KIAA1217: variants seen among roughly 807,000 people sequenced by gnomAD.
KIAA1217 encodes sickle tail protein homolog.
In KIAA1217, 88 loss-of-function variants were observed where a neutral mutation model predicts 163.9. The ratio of observed to expected loss-of-function variants is 0.54; its 90% CI spans 0.45 to 0.64. The LOEUF is 0.64. Among genes scored for constraint, KIAA1217 ranks in the 30% least tolerant of loss-of-function variants. The probability of loss-of-function intolerance (pLI) is 0.00; values close to 1 mark genes in which losing one functional copy is unlikely to be tolerated. For missense variants in KIAA1217, 2,372 were observed against 2,475.0 expected, an observed-to-expected ratio of 0.96 and a Z score of 0.88; for synonymous variants, 903 against 923.1, an observed-to-expected ratio of 0.98 and a Z score of 0.39.
intron 2 of KIAA1217, among the ~76,000 whole-genome samples, chr10:24,314,836 C>T (rs1017389824): frequency 6.6e-6 from 1 of 151,962 alleles, no homozygotes; most frequent in Non-Finnish European, 1.5e-5. Context: ...CCCAGCTACT[C>T]AGGAGGCTGA....
At chr10:24,008,794 C>G (rs1355936199) in intron 2 of KIAA1217, among the ~76,000 whole-genome samples, 4 of 152,196 alleles carry the variant, frequency 2.6e-5, no homozygotes, top group Non-Finnish European at 5.9e-5. Flanking sequence ...TCCTACGCTA[C>G]CGCCCCATTA....
chr10:24,270,775 G>T (rs1162991320), intron 2 of KIAA1217, among the ~76,000 whole-genome samples: 1 of 152,120 alleles, frequency 6.6e-6, no homozygotes, highest in Non-Finnish European at 1.5e-5. Flanking sequence ...TCGAACTCCT[G>T]ACCTCAAGTA....
At chr10:24,202,748 C>T (rs2067331930) in intron 2 of KIAA1217, among the ~76,000 whole-genome samples, 1 of 152,306 alleles carries the variant, frequency 6.6e-6, no homozygotes, top group Admixed American at 6.5e-5. Flanking sequence ...GACTAGAGGT[C>T]TCAGTGACTA....
intron 1 of KIAA1217, among the ~76,000 whole-genome samples, chr10:23,968,288 G>A (rs1259403047): frequency 6.6e-6 from 1 of 152,202 alleles, no homozygotes; most frequent in Non-Finnish European, 1.5e-5. Flanking sequence ...GGCATTTACA[G>A]AAAAGAATAG....
intron 2 of KIAA1217, among the ~76,000 whole-genome samples, chr10:24,105,825 T>A (rs1054962658): frequency 6.6e-6 from 1 of 152,208 alleles, no homozygotes; most frequent in African/African-American, 2.4e-5. Flanking sequence ...ATGGCAACCA[T>A]CAATCCACAA....
chr10:24,313,336 C>T (rs905447242), intron 2 of KIAA1217, among the ~76,000 whole-genome samples: 7 of 152,152 alleles, frequency 4.6e-5, no homozygotes, highest in Non-Finnish European at 8.8e-5. Context: ...CAAACACTGA[C>T]GTGACAAAGT....
chr10:24,148,401 T>C lies in KIAA1217; in HGVS notation c.-170-71225T>C, dbSNP rs13376843. On this transcript the variant is annotated intron_variant, in intron 2 of 18. Coordinates refer to the KIAA1217 transcript ENST00000376462. ...CATTTACTTATTGATATGGTATGAA[T>C]GTTTGTTCCCTCCAAATCTCATGTT... Among the ~76,000 whole-genome samples, 543 of 152,164 alleles carry C rather than the reference T, an allele frequency of 3.6e-3. 3 individuals are homozygous for C. Among genetic ancestry groups the C allele is most frequent in the African/African-American group, 0.012 (511 of 41,510 alleles).
chr10:24,535,084 G>C (rs2073800785), intron 16 of KIAA1217, among the ~76,000 whole-genome samples: 1 of 152,172 alleles, frequency 6.6e-6, no homozygotes, highest in African/African-American at 2.4e-5. Flanking sequence ...TCTAAGGACA[G>C]TTGTGGAACC....
chr10:24,073,215 A>G (rs2061251752), intron 2 of KIAA1217, among the ~76,000 whole-genome samples: 1 of 152,142 alleles, frequency 6.6e-6, no homozygotes, highest in African/African-American at 2.4e-5. Flanking sequence ...AGAAACAAGA[A>G]GGAAGCAGAG....
rs1226408505 is a variant in KIAA1217, at chr10:23,695,657, C to G, written c.-321+423C>G. On this transcript the variant is annotated intron_variant, in intron 1 of 18. Coordinates refer to the KIAA1217 transcript ENST00000376462. This position sits in a 1 kb window ranked among gnomAD's most constrained non-coding sequence, Gnocchi z 4.9. The stretch of plus-strand genomic sequence containing the variant: ...TCGGGGCTGCGAAGAGGGCATTGCT[C>G]TTTCTGATGGCTGGAAGACAGGGGC... Among the ~76,000 whole-genome samples, 2 of 152,140 alleles carry G rather than the reference C, an allele frequency of 1.3e-5. No individual in the cohort carries two copies. Among genetic ancestry groups the G allele is most frequent in the East Asian group, 1.9e-4 (1 of 5,136 alleles).
chr10:24,055,974 C>T (rs2060516413), intron 2 of KIAA1217, among the ~76,000 whole-genome samples: 1 of 151,640 alleles, frequency 6.6e-6, no homozygotes, highest in African/African-American at 2.4e-5. Flanking sequence ...AAAAAAATAC[C>T]CCAAATGTCT....
At chr10:24,170,640 T>C (rs2065584305) in intron 2 of KIAA1217, among the ~76,000 whole-genome samples, 1 of 152,178 alleles carries the variant, frequency 6.6e-6, no homozygotes, top group Admixed American at 6.5e-5. Context: ...CCTCACTGCT[T>C]CTGACGCTAT....
Position 24,049,854 on chromosome 10 carries a change from C to T in KIAA1217, c.-171+42480C>T, listed in dbSNP as rs1025647835. Among the ~76,000 whole-genome samples the T allele has an allele frequency of 5.3e-5, 8 of 152,166 alleles. No homozygotes were observed. In the East Asian group the frequency reaches 1.3e-3, roughly 26 times the overall value. Reference sequence around the variant, plus strand: ...GGGATTGCTGGGTCAAATGGTATTTCTGGTTCTAGATCCTTGAGGAATCGC... The same window carrying T: ...GGGATTGCTGGGTCAAATGGTATTTTTGGTTCTAGATCCTTGAGGAATCGC... On this transcript the variant is annotated intron_variant, in intron 2 of 18. Coordinates refer to the KIAA1217 transcript ENST00000376462.
At chr10:24,177,311 G>T (rs1301653352) in intron 2 of KIAA1217, among the ~76,000 whole-genome samples, 13 of 81,336 alleles carry the variant, frequency 1.6e-4, no homozygotes, top group Admixed American at 2.7e-4. Context: ...CAATTTCTTT[G>T]TCATATATAT....
chr10:24,469,431 A>AT (rs1188902145), intron 5 of KIAA1217, among the ~76,000 whole-genome samples: 1 of 151,856 alleles, frequency 6.6e-6, no homozygotes, highest in Non-Finnish European at 1.5e-5. Context: ...AGACCCTAGA[A>AT]TCTTAATGTC....
chr10:23,865,933 C>A (rs529005209), intron 1 of KIAA1217, among the ~76,000 whole-genome samples: 13 of 152,086 alleles, frequency 8.5e-5, no homozygotes, highest in Non-Finnish European at 1.8e-4. Context: ...GATTTATTTG[C>A]TCCTGTGCTG....
At chr10:23,819,969 G>A (rs1244236595) in intron 1 of KIAA1217, among the ~76,000 whole-genome samples, 2 of 152,140 alleles carry the variant, frequency 1.3e-5, no homozygotes, top group African/African-American at 4.8e-5. Flanking sequence ...ATGTATGATA[G>A]TGCCTATTTC....
At chr10:23,885,314 C>A (rs960394296) in intron 1 of KIAA1217, among the ~76,000 whole-genome samples, 7 of 151,828 alleles carry the variant, frequency 4.6e-5, no homozygotes, top group Admixed American at 2.0e-4. Context: ...TTAAACTCTA[C>A]GGTACAATAT....
chr10:24,284,370 G>T (rs529839763), intron 2 of KIAA1217, among the ~76,000 whole-genome samples: 40 of 152,152 alleles, frequency 2.6e-4, no homozygotes, highest in African/African-American at 9.2e-4. Context: ...TTCAGTCTTT[G>T]TTCCTCTCCC....
Sources: gnomAD v4.1 joint callset for allele counts (sites outside exome capture counted in the v4.1 genomes callset) on GRCh38, gnomAD v4.1.1 for gene constraint, Gnocchi (gnomAD v3.1) non-coding constraint, MANE v1.5 for transcripts, NCBI Gene and HGNC (gene_info 2026-07-23, HGNC 2026-07-21) for gene names.